The following GRIP1 variants were observed in gnomAD, a reference collection of about 807,000 sequenced individuals.
GRIP1 encodes glutamate receptor interacting protein 1.
GRIP1 carries 45 observed loss-of-function variants against 129.9 expected under a neutral mutation model. The ratio of observed to expected loss-of-function variants is 0.35; its 90% CI spans 0.27 to 0.44. The LOEUF is 0.44. Ranked by LOEUF, GRIP1 falls within the 20% of genes least tolerant of loss-of-function variation. GRIP1 has a pLI of 1.00. For missense variants in GRIP1, 1,196 were observed against 1,396.8 expected (o/e 0.86, Z 2.29); for synonymous variants, 530 against 520.8 (o/e 1.02, Z -0.24).
At chr12:66,355,068 C>G (rs1428587000) in intron 23 of GRIP1, among the ~76,000 whole-genome samples, 1 of 152,198 alleles carries the variant, frequency 6.6e-6, no homozygotes, top group East Asian at 1.9e-4. Flanking sequence ...ACCTCTCGGC[C>G]TCACCACTTT....
chr12:66,826,320 G>T (rs564616712), intron 1 of GRIP1, among the ~76,000 whole-genome samples: 1 of 152,090 alleles, frequency 6.6e-6, no homozygotes, highest in African/African-American at 2.4e-5. Flanking sequence ...GGGGATAGGG[G>T]AGGGATAGCA....
intron 1 of GRIP1, among the ~76,000 whole-genome samples, chr12:66,987,251 CT>C (rs1347840137): frequency 6.6e-6 from 1 of 152,202 alleles, no homozygotes; most frequent in Non-Finnish European, 1.5e-5. Context: ...GGTTTGCTCA[CT>C]GTGATACCCC....
chr12:66,610,231 TATATATA>T (rs1291397473), intron 1 of GRIP1, among the ~76,000 whole-genome samples: 1 of 152,072 alleles, frequency 6.6e-6, no homozygotes, highest in Non-Finnish European at 1.5e-5. Flanking sequence ...CACACGCATA[TATATATA>T]TAAACACATA....
intron 1 of GRIP1, among the ~76,000 whole-genome samples, chr12:66,951,540 A>G (rs1275802739): frequency 6.6e-6 from 1 of 152,228 alleles, no homozygotes; most frequent in Non-Finnish European, 1.5e-5. Flanking sequence ...GGCCTTGTTA[A>G]GGATTTTTAC....
intron 1 of GRIP1, among the ~76,000 whole-genome samples, chr12:66,862,475 T>C (rs1456962541): frequency 6.6e-6 from 1 of 152,108 alleles, no homozygotes; most frequent in Non-Finnish European, 1.5e-5. Flanking sequence ...CTCTGTAGAC[T>C]AGGCCACTAC....
At position 66,348,984 on chromosome 12, in the gene GRIP1, A is replaced by T. The variant is rs1412112378; in HGVS notation, c.*35T>A. 1 of 1,367,510 alleles carries T rather than the reference A, an allele frequency of 7.3e-7. No homozygotes were observed. The highest frequency in any genetic ancestry group is 1.0e-6 in the Non-Finnish European group (1 of 954,306). 84.7% of individuals were successfully genotyped at this position (1,367,510 alleles called of 1,614,324 possible). ...TTAAAGGATTTTTAGCACCATGTAG[A>T]TATTGTCTTTTGTCCTGCTTTATAA... is the stretch of plus-strand genomic sequence containing the variant. On this transcript the variant is annotated 3_prime_UTR_variant, in exon 25 of 25. Transcript: ENST00000359742.
chr12:66,846,822 G>C (rs1230210498), intron 1 of GRIP1, among the ~76,000 whole-genome samples: 1 of 152,164 alleles, frequency 6.6e-6, no homozygotes, highest in Non-Finnish European at 1.5e-5. Flanking sequence ...GTCAGCCACG[G>C]GGCAGAGGAA....
chr12:66,381,449 C>G (rs2056105543), intron 19 of GRIP1, among the ~76,000 whole-genome samples: 1 of 152,178 alleles, frequency 6.6e-6, no homozygotes, highest in African/African-American at 2.4e-5. Context: ...CAAACCAACC[C>G]CAAATACATG....
At chr12:66,391,664 G>A (rs1454510380) in intron 19 of GRIP1, among the ~76,000 whole-genome samples, 2 of 152,136 alleles carry the variant, frequency 1.3e-5, no homozygotes, top group African/African-American at 4.8e-5. Flanking sequence ...CCAGCCTGGA[G>A]AACATGACAA....
chr12:66,394,176 C>T (rs1287424559), intron 17 of GRIP1, 32 bp downstream of exon 17: 3 of 1,599,986 alleles, frequency 1.9e-6, no homozygotes, highest in Admixed American at 3.3e-5. Context: ...GTCTCAGACA[C>T]AGGTAATTAT....
intron 1 of GRIP1, among the ~76,000 whole-genome samples, chr12:66,627,194 G>A (rs1017250352): frequency 3.9e-5 from 6 of 151,900 alleles, no homozygotes; most frequent in African/African-American, 1.2e-4. Context: ...TTTCTTTGTG[G>A]TAGATTCCGG....
At chr12:66,464,716 C>T (rs151020170) in intron 8 of GRIP1, among the ~76,000 whole-genome samples, 4 of 152,058 alleles carry the variant, frequency 2.6e-5, no homozygotes, top group South Asian at 2.1e-4. Context: ...ATCTGGATGA[C>T]GTGAAGTGAC....
intron 1 of GRIP1, among the ~76,000 whole-genome samples, chr12:66,879,887 G>C (rs2040445796): frequency 6.6e-6 from 1 of 152,096 alleles, no homozygotes; most frequent in African/African-American, 2.4e-5. Flanking sequence ...GGGTATGGGA[G>C]CCTATGGCCG....
chr12:66,464,455 T>C (rs2138341215), intron 8 of GRIP1, among the ~76,000 whole-genome samples: 1 of 152,336 alleles, frequency 6.6e-6, no homozygotes, highest in East Asian at 1.9e-4. Context: ...AGTATAGGAC[T>C]TTTTAAAAGT....
chr12:66,633,911 A>T (rs769770632), intron 1 of GRIP1, among the ~76,000 whole-genome samples: 1 of 152,200 alleles, frequency 6.6e-6, no homozygotes, highest in African/African-American at 2.4e-5. Flanking sequence ...GTAAAGCTTC[A>T]AGTTCAAAAG....
At chr12:67,001,948 C>T (rs991942966) in intron 1 of GRIP1, among the ~76,000 whole-genome samples, 6 of 151,732 alleles carry the variant, frequency 4.0e-5, no homozygotes, top group African/African-American at 9.7e-5. Context: ...ATTGTTCCAC[C>T]CAGAAGAAGA....
chr12:66,723,310 T>TCTTTC (rs1565988183), intron 1 of GRIP1, among the ~76,000 whole-genome samples: 1 of 41,642 alleles, frequency 2.4e-5, no homozygotes, highest in African/African-American at 9.7e-5. Context: ...CTTTCTTTTT[T>TCTTTC]TTTTTTTTTT....
At chr12:66,843,831 A>C (rs1450798822) in intron 1 of GRIP1, among the ~76,000 whole-genome samples, 2 of 152,164 alleles carry the variant, frequency 1.3e-5, no homozygotes, top group Non-Finnish European at 2.9e-5. Context: ...TAAACATAAC[A>C]GCAAAAACTA....
intron 7 of GRIP1, among the ~76,000 whole-genome samples, chr12:66,492,527 A>G (rs1056956898): frequency 6.6e-6 from 1 of 152,222 alleles, no homozygotes; most frequent in East Asian, 1.9e-4. Flanking sequence ...TGAGACCAGC[A>G]TGACCGCTGT....
Sources: allele counts gnomAD v4.1 joint callset (sites outside exome capture counted in the v4.1 genomes callset), GRCh38; gene constraint gnomAD v4.1.1; transcripts MANE v1.5; gene names NCBI Gene and HGNC (gene_info 2026-07-23, HGNC 2026-07-21).